FHOD3: variants seen among roughly 807,000 people sequenced by gnomAD.
FHOD3 encodes the protein FH1/FH2 domain-containing protein 3.
A neutral mutation model predicts 173.0 loss-of-function variants in FHOD3; 90 were observed. That is an observed-to-expected ratio of 0.52 (90% CI 0.44 to 0.62). The LOEUF is 0.62. Among genes scored for constraint, FHOD3 ranks in the 20% least tolerant of loss-of-function variants. FHOD3 has a pLI of 0.00. For synonymous variants in FHOD3, 828 were observed against 823.0 expected, an observed-to-expected ratio of 1.01 and a Z score of -0.10; for missense variants, 1,945 against 2,034.7, an observed-to-expected ratio of 0.96 and a Z score of 0.85.
intron 3 of FHOD3, among the ~76,000 whole-genome samples, chr18:36,472,411 T>A (rs528271934): frequency 2.2e-4 from 33 of 152,356 alleles, no homozygotes; most frequent in African/African-American, 7.7e-4. Flanking sequence ...TATTGAGATA[T>A]AATTTACATA....
chr18:36,711,660 T>C (rs967739949), intron 18 of FHOD3, among the ~76,000 whole-genome samples: 2 of 152,128 alleles, frequency 1.3e-5, no homozygotes, highest in African/African-American at 4.8e-5. Context: ...ACAACCAACA[T>C]AGCAGCACCC....
chr18:36,447,651 A>G (rs1461468493), intron 3 of FHOD3, among the ~76,000 whole-genome samples: 1 of 152,224 alleles, frequency 6.6e-6, no homozygotes, highest in East Asian at 1.9e-4. Flanking sequence ...ACCCCAAATC[A>G]GACAAGAGCT....
At chr18:36,682,573 G>A (rs1432630581) in intron 15 of FHOD3, among the ~76,000 whole-genome samples, 1 of 151,786 alleles carries the variant, frequency 6.6e-6, no homozygotes, top group East Asian at 1.9e-4. Flanking sequence ...TTAATAACGT[G>A]TTTTTGTTTT....
chr18:36,647,684 G>A (rs533825184), intron 10 of FHOD3, among the ~76,000 whole-genome samples: 104 of 152,276 alleles, frequency 6.8e-4, no homozygotes, highest in African/African-American at 2.0e-3. Context: ...GCCCCAAATT[G>A]AAGGGTACCC....
chr18:36,331,823 A>G (rs2045027996), intron 1 of FHOD3, among the ~76,000 whole-genome samples: 1 of 152,152 alleles, frequency 6.6e-6, no homozygotes, highest in Non-Finnish European at 1.5e-5. Context: ...CGGTGCAGGC[A>G]GGAGCCTGGA....
intron 10 of FHOD3, among the ~76,000 whole-genome samples, chr18:36,642,990 C>A: frequency 6.6e-6 from 1 of 151,368 alleles, no homozygotes; most frequent in East Asian, 1.9e-4. Context: ...TGATTTTCTG[C>A]ACTTTGTTGT....
At chr18:36,355,763 A>G (rs982749774) in intron 2 of FHOD3, 118 bp downstream of exon 2, 14 of 779,762 alleles carry the variant, frequency 1.8e-5, no homozygotes, top group South Asian at 1.2e-4. Context: ...TTAATTCTCA[A>G]TCACACACGA....
rs546345521 is a variant in FHOD3 at position 36,318,124 on chromosome 18, T to C, written c.165+20124T>C. 2.0e-5 allele frequency among the ~76,000 whole-genome samples: 3 copies of C among 147,940 alleles called. No homozygotes were observed. In the East Asian group the frequency reaches 5.8e-4, roughly 28 times the overall value. ...CAGTACCATGCTGTTTTGGTTACTA[T>C]AGCCTTGTAGTATAGTTTGAAGTCA... On this transcript the variant is annotated intron_variant, in intron 1 of 28. Coordinates refer to ENST00000590592, the MANE Select transcript of FHOD3 (RefSeq NM_001281740.3).
intron 5 of FHOD3, among the ~76,000 whole-genome samples, chr18:36,554,053 T>G (rs1220256598): frequency 1.3e-5 from 2 of 152,146 alleles, no homozygotes; most frequent in South Asian, 2.1e-4. Context: ...TGTAAACTAG[T>G]TCAACCATTG....
intron 5 of FHOD3, among the ~76,000 whole-genome samples, chr18:36,515,278 T>G (rs2055904851): frequency 6.6e-6 from 1 of 152,132 alleles, no homozygotes. Flanking sequence ...AGTACAGTGG[T>G]GCCATCTGGG....
At chr18:36,452,826 ATGTG>A (rs1166938697) in intron 3 of FHOD3, among the ~76,000 whole-genome samples, 1 of 151,872 alleles carries the variant, frequency 6.6e-6, no homozygotes, top group Non-Finnish European at 1.5e-5. Flanking sequence ...GTGTATATAT[ATGTG>A]TGTGTATGTA....
At chr18:36,547,813 G>A (rs576080343) in intron 5 of FHOD3, among the ~76,000 whole-genome samples, 21 of 152,284 alleles carry the variant, frequency 1.4e-4, no homozygotes, top group African/African-American at 3.6e-4. Flanking sequence ...CAGCTGCTTC[G>A]TGAGGTTGGT....
chr18:36,704,291 C>T (rs538237163), intron 17 of FHOD3, among the ~76,000 whole-genome samples: 16 of 152,214 alleles, frequency 1.1e-4, no homozygotes, highest in Non-Finnish European at 2.2e-4. Flanking sequence ...GAGACCCCAT[C>T]GATCTGCGCT....
chr18:36,488,416 C>T (rs928275953), intron 3 of FHOD3, among the ~76,000 whole-genome samples: 2 of 152,086 alleles, frequency 1.3e-5, no homozygotes, highest in Non-Finnish European at 2.9e-5. Flanking sequence ...GGAGAGAGAC[C>T]CCCAGGGCCC....
intron 28 of FHOD3, among the ~76,000 whole-genome samples, chr18:36,776,192 T>G (rs1406059376): frequency 6.6e-6 from 1 of 151,988 alleles, no homozygotes; most frequent in Non-Finnish European, 1.5e-5. Flanking sequence ...AGCCTTTTTT[T>G]TTTTTTTGCT....
intron 1 of FHOD3, among the ~76,000 whole-genome samples, chr18:36,327,180 C>T (rs2044715643): frequency 6.6e-6 from 1 of 152,318 alleles, no homozygotes; most frequent in Middle Eastern, 3.4e-3. Flanking sequence ...CTCAACAATG[C>T]TGAAATCATT....
rs1240285747 is a variant in FHOD3 at position 36,625,684 on chromosome 18, C to T, written c.1131C>T (p.Pro377=). Residue 377 remains proline (P), a synonymous_variant, in exon 10 of 29, where the codon CCC becomes CCT. Transcript: ENST00000590592. ...GCATCAAGAGCACCCTGTCGGCCCC[C>T]ACCAGTCCCTGCTCCCAGTCAGCTC... ...VQSIKSTLSA[P]TSPCSQSAPS... The T allele has an allele frequency of 1.2e-6, 2 of 1,611,570 alleles. No homozygotes were observed. Among genetic ancestry groups the T allele is most frequent in the Admixed American group, 1.7e-5 (1 of 59,802 alleles).
intron 5 of FHOD3, among the ~76,000 whole-genome samples, chr18:36,542,732 A>G (rs911972755): frequency 5.9e-5 from 9 of 152,216 alleles, no homozygotes; most frequent in Non-Finnish European, 1.2e-4. Context: ...AAAGGGGATG[A>G]ATTTGCAAAT....
chr18:36,694,998 C>CGCGT (rs1555808852), intron 17 of FHOD3, among the ~76,000 whole-genome samples: 1 of 97,344 alleles, frequency 1.0e-5, no homozygotes, highest in African/African-American at 3.7e-5. Flanking sequence ...TGTGTGTGTG[C>CGCGT]GTGTGTGTGT....
Sources: allele counts gnomAD v4.1 joint callset (sites outside exome capture counted in the v4.1 genomes callset), GRCh38; gene constraint gnomAD v4.1.1; transcripts MANE v1.5; gene names NCBI Gene and HGNC (gene_info 2026-07-23, HGNC 2026-07-21).